The following HMCN2 variants were observed in gnomAD, a reference collection of about 807,000 sequenced individuals.
HMCN2 encodes the protein hemicentin-2.
HMCN2 carries 325 observed loss-of-function variants against 377.5 expected under a neutral mutation model. That is an observed-to-expected ratio of 0.86 (90% CI 0.79 to 0.94). The LOEUF is 0.94. HMCN2 is among the 40% of genes least tolerant of loss of function. The pLI, the probability that HMCN2 is intolerant of heterozygous loss-of-function variation, is 0.00. For missense variants in HMCN2, 4,543 were observed against 4,725.3 expected (o/e 0.96, Z 1.13); for synonymous variants, 2,007 against 2,046.8 (o/e 0.98, Z 0.53).
chr9:130,302,297 C>T (rs782702547), intron 8 of HMCN2, among the ~76,000 whole-genome samples: 1 of 152,224 alleles, frequency 6.6e-6, no homozygotes, highest in Non-Finnish European at 1.5e-5. Flanking sequence ...CTGCCCACCT[C>T]CGCCTCCCAA....
Position 130,400,713 on chromosome 9 carries a change from C to T in HMCN2, c.11606-70C>T, listed in dbSNP as rs1365937324. The T allele has an allele frequency of 5.2e-6, 6 of 1,150,556 alleles. No homozygotes were observed. In the African/African-American group the frequency reaches 8.1e-5, roughly 16 times the overall value. The allele number at this position is 1,150,556 out of a possible 1,614,324, so 71.3% of individuals were successfully genotyped here. A position where few individuals can be genotyped will look rare whatever the true frequency, so the allele number is the denominator to read the frequency against. On this transcript the variant is annotated intron_variant, in intron 76 of 97. Transcript: ENST00000683500. ...GATGTCACCTTGTGTACTAGCTTTA[C>T]CCCCTGGCCCTGTGGCCGTGAGTGC...
intron 85 of HMCN2, among the ~76,000 whole-genome samples, chr9:130,415,183 G>C (rs1843621190): frequency 6.6e-6 from 1 of 152,082 alleles, no homozygotes; most frequent in African/African-American, 2.4e-5. Flanking sequence ...AGTGTTCCAG[G>C]TCTGCTAAGA....
intron 1 of HMCN2, 62 bp downstream of exon 1, chr9:130,266,199 C>A (rs1303969665): frequency 4.7e-6 from 2 of 428,498 alleles, no homozygotes; most frequent in African/African-American, 4.1e-5. Context: ...CCTGCCTGAC[C>A]CCCTCAGTTG....
intron 54 of HMCN2, among the ~76,000 whole-genome samples, chr9:130,380,727 C>T (rs975673364): frequency 6.7e-6 from 1 of 150,216 alleles, no homozygotes; most frequent in African/African-American, 2.5e-5. Context: ...GTCAAGGCTT[C>T]AGTGAGCCGT....
intron 14 of HMCN2, among the ~76,000 whole-genome samples, chr9:130,309,252 G>A (rs1010958087): frequency 3.9e-5 from 6 of 152,164 alleles, no homozygotes; most frequent in African/African-American, 1.4e-4. Context: ...GGTGACTCAC[G>A]CCTGTAATCC....
In HMCN2 at chr9:130,391,049, C is replaced by T. The variant is rs539053873; in HGVS notation, c.9596C>T (p.Ala3199Val). The T allele has an allele frequency of 2.0e-5, 20 of 987,948 alleles. No individual in the cohort carries two copies. Among genetic ancestry groups the T allele is most frequent in the Admixed American group, 1.8e-4 (3 of 16,298 alleles). 61.2% of individuals were successfully genotyped at this position (987,948 alleles called of 1,614,324 possible). The change falls in exon 63 of 98, where the codon GCG becomes GTG. Residue 3199 changes from alanine (A) to valine (V), a missense_variant. Ala to Val is a moderately conservative substitution (Grantham distance 64, BLOSUM62 0). This residue lies in a region of HMCN2 where 736 missense variants were observed against 773.2 expected (regional missense o/e 0.95). Transcript: ENST00000683500. ...LQLSRLQPAQ[A>V]GTYTCVAENT... ...CTGAGCCGCCTGCAACCGGCCCAGG[C>T]GGGCACCTACACGTGCGTGGCTGAG...
In HMCN2 at chr9:130,355,107, G is replaced by A. The variant is rs866883371; in HGVS notation, c.5146+63G>A. On this transcript the variant is annotated intron_variant, in intron 32 of 97. Transcript: ENST00000683500. Reference sequence around the variant, plus strand: ...GTGGACGTCTGCCCAGGCCTGCTGCGTGCTTGTCCCGAGAGAGCTCCTGGA... The same window carrying A: ...GTGGACGTCTGCCCAGGCCTGCTGCATGCTTGTCCCGAGAGAGCTCCTGGA... 5.5e-5 allele frequency: 66 copies of A among 1,191,706 alleles called. 1 individual carries two copies. Among genetic ancestry groups the A allele is most frequent in the Middle Eastern group, 7.5e-4 (2 of 2,668 alleles). The allele number at this position is 1,191,706 out of a possible 1,614,324, so 73.8% of individuals were successfully genotyped here.
At chr9:130,325,096 CT>C (rs878863979) in intron 19 of HMCN2, among the ~76,000 whole-genome samples, 15,812 of 127,916 alleles carry the variant, frequency 0.12, 1,044 homozygotes, top group East Asian at 0.46. Context: ...TCTTCTTCTT[CT>C]TTTTTTTTTT....
intron 88 of HMCN2, 34 bp downstream of exon 88, chr9:130,424,947 G>A: frequency 6.7e-7 from 1 of 1,490,182 alleles, no homozygotes; most frequent in Non-Finnish European, 9.0e-7. Flanking sequence ...GGCCAGGTAG[G>A]ACTAAAGCCT....
At position 130,387,471 on chromosome 9, in the gene HMCN2, G is replaced by A. The variant is rs12551600; in HGVS notation, c.9392-938G>A. On this transcript the variant is annotated intron_variant, in intron 61 of 97. Transcript: ENST00000683500. ...ATGGTTGAAACTGGGACACGGCATC[G>A]TGTCCTGGCCCACAGGAAGCAGAAA... 2.3e-3 allele frequency among the ~76,000 whole-genome samples: 353 copies of A among 152,264 alleles called. 1 individual carries two copies. In the East Asian group the frequency reaches 0.024, roughly 10 times the overall value.
At position 130,425,566 on chromosome 9, in the gene HMCN2, G is replaced by A. The variant is rs562672138; in HGVS notation, c.13642-121G>A. 35 of 738,356 alleles carry A rather than the reference G, an allele frequency of 4.7e-5. 1 individual carries two copies. In the South Asian group the frequency reaches 4.9e-4, roughly 10 times the overall value. The allele number at this position is 738,356 out of a possible 1,614,324, so 45.7% of individuals were successfully genotyped here. A position where few individuals can be genotyped will look rare whatever the true frequency, so the allele number is the denominator to read the frequency against. On this transcript the variant is annotated intron_variant, in intron 89 of 97. Coordinates refer to ENST00000683500, the MANE Select transcript of HMCN2 (RefSeq NM_001291815.2). The stretch of plus-strand genomic sequence containing the variant: ...AGCCTCCTCAAGCCCCTGAGTTGGG[G>A]TAAGGGTCTCAGGCTGCTTGGGAGT...
intron 15 of HMCN2, among the ~76,000 whole-genome samples, chr9:130,312,509 C>G (rs1262237911): frequency 5.5e-4 from 6 of 10,994 alleles, no homozygotes; most frequent in Non-Finnish European, 1.2e-3. Context: ...CTTTCTGTCC[C>G]TCCCTCCCTC....
rs1404728991 is a variant in HMCN2, at chr9:130,354,684, C to T, written c.4865-79C>T. On this transcript the variant is annotated intron_variant, in intron 31 of 97. Transcript: ENST00000683500. ...ATGGAGTGGGGTCGGTGAGGGGCTT[C>T]AGCGGGCCTGTTGGGCTGAGATGAG... 4.3e-6 allele frequency: 5 copies of T among 1,173,450 alleles called. No individual in the cohort carries two copies. In the African/African-American group the frequency reaches 6.4e-5, roughly 15 times the overall value. The allele number at this position is 1,173,450 out of a possible 1,614,324, so 72.7% of individuals were successfully genotyped here. A position where few individuals can be genotyped will look rare whatever the true frequency, so the allele number is the denominator to read the frequency against.
Position 130,362,134 on chromosome 9 carries a change from C to G in HMCN2, c.6077C>G (p.Pro2026Arg). The change falls in exon 39 of 98, where the codon CCT becomes CGT. Residue 2026 changes from proline to arginine, a missense_variant. Transcript: ENST00000683500. ...CTGATGTGGCTGAAGGATGGAAACC[C>G]TGTGTCCCCTGCAGGGACCCCTGGC... is the stretch of plus-strand genomic sequence containing the variant. ...PTLMWLKDGN[P>R]VSPAGTPGLQ... 1.0e-6 allele frequency: 1 copy of G among 985,974 alleles called. No homozygotes were observed. The highest frequency in any genetic ancestry group is 1.2e-6 in the Non-Finnish European group (1 of 829,986). The allele number at this position is 985,974 out of a possible 1,614,324, so 61.1% of individuals were successfully genotyped here.
intron 25 of HMCN2, among the ~76,000 whole-genome samples, chr9:130,346,314 C>T (rs1376540672): frequency 6.6e-6 from 1 of 152,152 alleles, no homozygotes; most frequent in African/African-American, 2.4e-5. Context: ...CCCCTCTGGG[C>T]AGGTTCTGTC....
rs1484757435 is a variant in HMCN2 at position 130,268,389 on chromosome 9, C to T, written c.259+2252C>T. ...GAGTGACACCCCCAGGTTCAGACGTCGGGGAGACTTCAGCACCATGGAGCC... is the reference window on the plus strand; with the variant it reads ...GAGTGACACCCCCAGGTTCAGACGTTGGGGAGACTTCAGCACCATGGAGCC... On this transcript the variant is annotated intron_variant, in intron 1 of 97. Coordinates refer to ENST00000683500, the MANE Select transcript of HMCN2 (RefSeq NM_001291815.2). Among the ~76,000 whole-genome samples the T allele has an allele frequency of 3.2e-5, 4 of 124,394 alleles. 1 individual carries two copies. Among genetic ancestry groups the T allele is most frequent in the Admixed American group, 2.3e-4 (3 of 12,930 alleles). The allele number at this position is 124,394 out of a possible 152,430, so 81.6% of individuals were successfully genotyped here.
intron 47 of HMCN2, 25 bp downstream of exon 47, chr9:130,372,432 G>T: frequency 4.3e-6 from 4 of 933,388 alleles, no homozygotes; most frequent in Non-Finnish European, 2.6e-6. Flanking sequence ...CATTCTCATG[G>T]GTGCCCTATG....
chr9:130,397,975 C>T (rs1006084566), intron 74 of HMCN2, among the ~76,000 whole-genome samples: 42 of 144,990 alleles, frequency 2.9e-4, no homozygotes, highest in African/African-American at 9.6e-4. Flanking sequence ...TAGTGAGACC[C>T]CATCTCTACA....
intron 85 of HMCN2, among the ~76,000 whole-genome samples, chr9:130,413,753 G>GCA (rs146614247): frequency 1.3e-5 from 2 of 151,490 alleles, no homozygotes; most frequent in Non-Finnish European, 2.9e-5. Context: ...GCACACACAC[G>GCA]CACACACACA....
Sources: allele counts gnomAD v4.1 joint callset (sites outside exome capture counted in the v4.1 genomes callset), GRCh38; gene constraint gnomAD v4.1.1; regional missense constraint gnomAD v4.1.1; transcripts MANE v1.5; gene names NCBI Gene and HGNC (gene_info 2026-07-23, HGNC 2026-07-21).